KIF5C: variants seen among roughly 807,000 people sequenced by gnomAD.
KIF5C encodes the protein kinesin heavy chain isoform 5C.
In KIF5C, 18 loss-of-function variants were observed where a neutral mutation model predicts 125.2. The ratio of observed to expected loss-of-function variants is 0.14; its 90% CI spans 0.10 to 0.21. The LOEUF (loss-of-function observed/expected upper bound fraction) is 0.21, where lower values mean the gene tolerates loss of function less well. Among genes scored for constraint, KIF5C ranks in the 10% least tolerant of loss-of-function variants. The probability of loss-of-function intolerance (pLI) is 1.00; values close to 1 mark genes in which losing one functional copy is unlikely to be tolerated. For synonymous variants in KIF5C, 405 were observed against 434.0 expected, an observed-to-expected ratio of 0.93 and a Z score of 0.83; for missense variants, 780 against 1,183.8, an observed-to-expected ratio of 0.66 and a Z score of 5.01.
chr2:148,948,387 G>A (rs1682576606), intron 8 of KIF5C, among the ~76,000 whole-genome samples: 1 of 151,820 alleles, frequency 6.6e-6, no homozygotes, highest in South Asian at 2.1e-4. Flanking sequence ...ACTAGTACGG[G>A]CTTGTAACTT....
chr2:149,008,904 C>G (rs542836108), intron 23 of KIF5C, among the ~76,000 whole-genome samples: 9 of 151,342 alleles, frequency 5.9e-5, no homozygotes, highest in African/African-American at 1.9e-4. Context: ...ATGAGAAATA[C>G]GAAAGCAGAA....
intron 1 of KIF5C, among the ~76,000 whole-genome samples, chr2:148,890,960 A>G (rs1157758751): frequency 1.3e-5 from 2 of 152,236 alleles, no homozygotes; most frequent in African/African-American, 4.8e-5. Flanking sequence ...ATATATATAG[A>G]TCACCAGATT....
chr2:149,005,154 G>A (rs1274954268), intron 21 of KIF5C, among the ~76,000 whole-genome samples: 1 of 152,206 alleles, frequency 6.6e-6, no homozygotes, highest in Non-Finnish European at 1.5e-5. Context: ...CAGATGGGCA[G>A]GCTTTGTTCT....
In KIF5C at chr2:148,991,160, G is replaced by A. The variant is rs562279662; in HGVS notation, c.1867G>A (p.Glu623Lys). 30 of 1,613,870 alleles carry A rather than the reference G, an allele frequency of 1.9e-5. No individual in the cohort carries two copies. Among genetic ancestry groups the A allele is most frequent in the Admixed American group, 5.0e-5 (3 of 60,026 alleles). Residue 623 changes from glutamate to lysine, a missense_variant, in exon 16 of 26, where the codon GAG becomes AAG. Physicochemically the swap from Glu to Lys is moderately conservative, Grantham distance 56. This residue lies in a region of KIF5C where 573 missense variants were observed against 742.6 expected (regional missense o/e 0.77). Transcript: ENST00000435030. ...MDSNRKMNAS[E>K]RELAACQLLI... Reference sequence around the variant, plus strand: ...CTCCAACAGGAAGATGAATGCCAGCGAGCGGGAGCTGGCAGCCTGCCAGCT... The same window carrying A: ...CTCCAACAGGAAGATGAATGCCAGCAAGCGGGAGCTGGCAGCCTGCCAGCT...
At position 148,875,745 on chromosome 2, in the gene KIF5C, T is replaced by C; in HGVS notation, c.126+2T>C. On this transcript the variant is annotated splice_donor_variant, in intron 1 of 25. Coordinates refer to ENST00000435030, the MANE Select transcript of KIF5C (RefSeq NM_004522.3). LOFTEE classifies it high-confidence loss of function. ...GGCGATGAGACCGTGGTGATCGGGG[T>C]AAGTGGCTGGGGCGTCTGCCTTCCC... 1 of 1,603,302 alleles carries C rather than the reference T, an allele frequency of 6.2e-7. No homozygotes were observed. Among genetic ancestry groups the C allele is most frequent in the South Asian group, 1.1e-5 (1 of 88,556 alleles).
chr2:148,905,202 A>G (rs577892797), intron 1 of KIF5C, among the ~76,000 whole-genome samples: 32 of 152,322 alleles, frequency 2.1e-4, no homozygotes, highest in African/African-American at 7.7e-4. Context: ...AAAAAATATT[A>G]AATTAAAGGT....
intron 19 of KIF5C, 22 bp downstream of exon 19, chr2:148,998,531 G>T (rs376682764): frequency 6.4e-7 from 1 of 1,551,466 alleles, no homozygotes; most frequent in East Asian, 2.4e-5. Context: ...CAGGGCACCA[G>T]GGGTGTGGGG....
chr2:148,912,666 C>T (rs1335927966), intron 1 of KIF5C, among the ~76,000 whole-genome samples: 2 of 152,228 alleles, frequency 1.3e-5, no homozygotes, highest in Non-Finnish European at 2.9e-5. Context: ...CTAGGCTGGT[C>T]TCAAACTCCT....
chr2:148,983,402 C>T (rs1310407969), intron 14 of KIF5C, among the ~76,000 whole-genome samples: 1 of 152,180 alleles, frequency 6.6e-6, no homozygotes, highest in Non-Finnish European at 1.5e-5. Flanking sequence ...GATATGTAGA[C>T]ATATAATGTA....
intron 25 of KIF5C, among the ~76,000 whole-genome samples, chr2:149,016,713 G>T (rs2105209183): frequency 6.6e-6 from 1 of 152,318 alleles, no homozygotes; most frequent in South Asian, 2.1e-4. Flanking sequence ...GGAACAGGTG[G>T]CTGGATCCGT....
At chr2:149,010,499 C>T (rs1682159191) in intron 24 of KIF5C, 148 bp downstream of exon 24, 5 of 1,366,554 alleles carry the variant, frequency 3.7e-6, no homozygotes, top group Non-Finnish European at 4.8e-6. Context: ...CTCACCGCAC[C>T]CTGTGCTCAC....
chr2:148,918,564 A>G (rs1681653726), intron 1 of KIF5C, among the ~76,000 whole-genome samples: 1 of 152,226 alleles, frequency 6.6e-6, no homozygotes, highest in Admixed American at 6.5e-5. Flanking sequence ...AAGAGTAGTG[A>G]TAAGGAGACA....
rs192209531 is a variant in KIF5C, at chr2:149,022,689, C to T, written c.*8-389C>T. On this transcript the variant is annotated intron_variant, in intron 25 of 25. Transcript: ENST00000435030. Reference sequence around the variant, plus strand: ...CTGTAATCCCAGCACTTTGGGAGGCCGAGGTGGGTGGATCACCTGAGGTCA... The same window carrying T: ...CTGTAATCCCAGCACTTTGGGAGGCTGAGGTGGGTGGATCACCTGAGGTCA... Among the ~76,000 whole-genome samples, 1,139 of 152,004 alleles carry T rather than the reference C, an allele frequency of 7.5e-3. 7 individuals are homozygous for T. Among genetic ancestry groups the T allele is most frequent in the African/African-American group, 0.026 (1,085 of 41,436 alleles).
chr2:148,994,371 C>T lies in KIF5C; in HGVS notation c.1906-50C>T, dbSNP rs1001068577. The T allele has an allele frequency of 3.2e-6, 5 of 1,539,070 alleles. No homozygotes were observed. In the African/African-American group the frequency reaches 6.9e-5, roughly 21 times the overall value. On this transcript the variant is annotated intron_variant, in intron 16 of 25. Transcript: ENST00000435030. ...TCCTACCAGACAATTCCAGGCCAGC[C>T]TGGATGACCACTTGCTAGTCATTCA... is the stretch of plus-strand genomic sequence containing the variant.
chr2:149,018,825 A>G (rs547985157), intron 25 of KIF5C, among the ~76,000 whole-genome samples: 22 of 152,110 alleles, frequency 1.4e-4, no homozygotes, highest in African/African-American at 4.6e-4. Flanking sequence ...CAGAATGACA[A>G]TCTTTCTCAA....
chr2:148,974,000 T>C (rs1234278193), intron 12 of KIF5C, among the ~76,000 whole-genome samples: 1 of 152,200 alleles, frequency 6.6e-6, no homozygotes, highest in Admixed American at 6.5e-5. Context: ...CTTCACCTAA[T>C]TGGTGAAGCT....
At position 148,908,184 on chromosome 2, in the gene KIF5C, C is replaced by T. The variant is rs961380336; in HGVS notation, c.127-13953C>T. Reference sequence around the variant, plus strand: ...GCTCATATGATTACTTTTAGAAGCACTGTCAACATGCATTTTCCAAAGAAA... The same window carrying T: ...GCTCATATGATTACTTTTAGAAGCATTGTCAACATGCATTTTCCAAAGAAA... On this transcript the variant is annotated intron_variant, in intron 1 of 25. Transcript: ENST00000435030. Among the ~76,000 whole-genome samples the T allele has an allele frequency of 2.0e-5, 3 of 152,294 alleles. No homozygotes were observed. The South Asian group carries it at 6.2e-4, about 32-fold the overall frequency.
chr2:148,954,887 A>T lies in KIF5C; in HGVS notation c.968+4425A>T, dbSNP rs78948179. On this transcript the variant is annotated intron_variant, in intron 10 of 25. Coordinates refer to ENST00000435030, the MANE Select transcript of KIF5C (RefSeq NM_004522.3). ...AAGGCAGACACTTGGCTACACTTTG[A>T]CATGAAAGAAAAAAAGGCTTAAATC... Among the ~76,000 whole-genome samples, 58 of 152,256 alleles carry T rather than the reference A, an allele frequency of 3.8e-4. No individual in the cohort carries two copies. In the East Asian group the frequency reaches 0.011, roughly 29 times the overall value.
At chr2:148,947,261 T>G in intron 8 of KIF5C, 1 of 525,068 alleles carries the variant, frequency 1.9e-6, no homozygotes, top group South Asian at 2.8e-5. Flanking sequence ...TTATCCCTGA[T>G]GGGCCCTTAT....
Sources: gnomAD v4.1 joint callset for allele counts (sites outside exome capture counted in the v4.1 genomes callset) on GRCh38, gnomAD v4.1.1 for gene constraint, gnomAD v4.1.1 regional missense constraint, MANE v1.5 for transcripts, NCBI Gene and HGNC (gene_info 2026-07-23, HGNC 2026-07-21) for gene names.